Variants in FAM227B observed in about 807,000 individuals in gnomAD.
FAM227B encodes protein FAM227B.
Under a neutral mutation model 73.8 loss-of-function variants are expected in FAM227B, and 88 were observed. The observed-to-expected ratio is 1.19, with a 90% CI of 1.00 to 1.42. FAM227B has a LOEUF of 1.42. Ranked by LOEUF, FAM227B falls within the 40% of genes most tolerant of loss-of-function variation. The pLI, the probability that FAM227B is intolerant of heterozygous loss-of-function variation, is 0.00. For missense variants in FAM227B, 632 were observed against 590.9 expected (o/e 1.07, Z -0.72); for synonymous variants, 210 against 190.5 (o/e 1.10, Z -0.84).
intron 11 of FAM227B, among the ~76,000 whole-genome samples, chr15:49,448,652 T>C (rs2052440975): frequency 6.6e-6 from 1 of 151,574 alleles, no homozygotes; most frequent in Non-Finnish European, 1.5e-5. Flanking sequence ...ATACTATTTT[T>C]TGATGAACAT....
rs1386307330 is a variant in FAM227B at position 49,581,330 on chromosome 15, C to T, written c.406-3666G>A. On this transcript the variant is annotated intron_variant, in intron 5 of 15. Transcript: ENST00000299338. ...AGATTGGGGGCCTATATTCAGTATT[C>T]TTTTTTTTTTTTTTGAGACAGAGTT... Among the ~76,000 whole-genome samples, 3 of 144,152 alleles carry T rather than the reference C, an allele frequency of 2.1e-5. No individual in the cohort carries two copies. The East Asian group carries it at 6.0e-4, about 29-fold the overall frequency. 94.6% of individuals were successfully genotyped at this position (144,152 alleles called of 152,430 possible).
At position 49,371,383 on chromosome 15, in the gene FAM227B, A is replaced by G. The variant is rs748018624; in HGVS notation, c.1029T>C (p.Ile343=). ...EHISTSIDFN[I]IKILNNPRAY... Reference sequence around the variant, plus strand: ...CTCTTGGGTTGTTCAGAATCTTTATAATATTGAAGTCGATACCTAAAACAG... The same window carrying G: ...CTCTTGGGTTGTTCAGAATCTTTATGATATTGAAGTCGATACCTAAAACAG... Residue 343 remains isoleucine (I), a synonymous_variant, in exon 12 of 16, where the codon ATT becomes ATC. Coordinates refer to ENST00000299338, the MANE Select transcript of FAM227B (RefSeq NM_152647.3). 5.8e-6 allele frequency: 9 copies of G among 1,564,566 alleles called. No individual in the cohort carries two copies. The Admixed American group carries it at 1.4e-4, about 25-fold the overall frequency.
At chr15:49,592,888 C>T (rs2076665319) in intron 3 of FAM227B, among the ~76,000 whole-genome samples, 1 of 152,166 alleles carries the variant, frequency 6.6e-6, no homozygotes, top group Non-Finnish European at 1.5e-5. Context: ...ACTCAAGCCT[C>T]AGCAATGGTG....
chr15:49,403,097 G>A (rs1451943568), intron 11 of FAM227B, among the ~76,000 whole-genome samples: 1 of 152,152 alleles, frequency 6.6e-6, no homozygotes, highest in East Asian at 1.9e-4. Context: ...ATTTGTGTAT[G>A]TTGAACCAAC....
At chr15:49,367,756 G>A in intron 12 of FAM227B, 148 bp from the exon 13 acceptor site, 1 of 687,472 alleles carries the variant, frequency 1.5e-6, no homozygotes. Flanking sequence ...TTAATTAGAG[G>A]AATTTACCAA....
chr15:49,494,256 A>AACACACACACACACACACAC (rs374477211), intron 11 of FAM227B, among the ~76,000 whole-genome samples: 50 of 140,714 alleles, frequency 3.6e-4, no homozygotes, highest in African/African-American at 1.3e-3. Context: ...GAGACACACA[A>AACACACACACACACACACAC]ACACACACAC....
chr15:49,617,775 T>TG (rs2078384388), intron 1 of FAM227B, among the ~76,000 whole-genome samples: 6 of 134,632 alleles, frequency 4.5e-5, no homozygotes, highest in Non-Finnish European at 6.5e-5. Context: ...CCTTTCATGT[T>TG]TTGTGTGTGT....
chr15:49,548,551 G>C (rs2072304121), intron 9 of FAM227B, among the ~76,000 whole-genome samples: 1 of 152,160 alleles, frequency 6.6e-6, no homozygotes, highest in African/African-American at 2.4e-5. Context: ...ATGAGTTTGG[G>C]AGTATTCCCT....
chr15:49,595,138 T>C (rs1015236712), intron 3 of FAM227B, among the ~76,000 whole-genome samples: 9 of 151,996 alleles, frequency 5.9e-5, no homozygotes, highest in Non-Finnish European at 1.0e-4. Context: ...AGGTCTTTCA[T>C]CTCCTTGGTT....
intron 11 of FAM227B, chr15:49,486,296 G>T (rs2056396960): frequency 2.0e-5 from 3 of 152,038 alleles, no homozygotes; most frequent in African/African-American, 7.2e-5. Flanking sequence ...AAACTAGAAA[G>T]AACTGCCCTT....
In FAM227B at chr15:49,328,409, CT is replaced by C. The variant is rs1167840970; in HGVS notation, c.*158del. The C allele has an allele frequency of 3.4e-5, 48 of 1,431,090 alleles. No individual in the cohort carries two copies. The highest frequency in any genetic ancestry group is 3.7e-5 in the Non-Finnish European group (41 of 1,095,216). 88.6% of individuals were successfully genotyped at this position (1,431,090 alleles called of 1,614,324 possible). On this transcript the variant is annotated 3_prime_UTR_variant, in exon 16 of 16. Coordinates refer to ENST00000299338, the MANE Select transcript of FAM227B (RefSeq NM_152647.3). ...GGACAGATCTTTTAAGAATAACTTACTGAGATTTATTGATTTGAAGATTTTA... is the reference window on the plus strand; with the variant it reads ...GGACAGATCTTTTAAGAATAACTTACGAGATTTATTGATTTGAAGATTTTA...
intron 11 of FAM227B, among the ~76,000 whole-genome samples, chr15:49,446,760 C>G (rs2052257263): frequency 6.6e-6 from 1 of 151,232 alleles, no homozygotes; most frequent in Non-Finnish European, 1.5e-5. Context: ...ATTTTAACTT[C>G]ATATTATAAA....
chr15:49,502,979 C>T (rs1041371192), intron 11 of FAM227B, among the ~76,000 whole-genome samples: 1 of 152,178 alleles, frequency 6.6e-6, no homozygotes, highest in African/African-American at 2.4e-5. Context: ...CAATCCTAAG[C>T]CAAAAGAACA....
chr15:49,328,013 A>T lies in FAM227B; in HGVS notation c.*555T>A. On this transcript the variant is annotated 3_prime_UTR_variant, in exon 16 of 16. Coordinates refer to ENST00000299338, the MANE Select transcript of FAM227B (RefSeq NM_152647.3). ...AGGATGGGGAGGCTGCACAGTATCA[A>T]TGGTACCTGCGGACAAGCTGCCCAG... 1 of 1,614,004 alleles carries T rather than the reference A, an allele frequency of 6.2e-7. No individual in the cohort carries two copies. Among genetic ancestry groups the T allele is most frequent in the Non-Finnish European group, 8.5e-7 (1 of 1,179,876 alleles).
intron 11 of FAM227B, among the ~76,000 whole-genome samples, chr15:49,445,802 A>G (rs1441989619): frequency 6.6e-6 from 1 of 151,578 alleles, no homozygotes; most frequent in African/African-American, 2.4e-5. Flanking sequence ...AAAAGAGTGT[A>G]TTTGAAACTC....
intron 13 of FAM227B, among the ~76,000 whole-genome samples, chr15:49,353,145 G>A (rs2051092339): frequency 6.6e-6 from 1 of 152,116 alleles, no homozygotes; most frequent in African/African-American, 2.4e-5. Flanking sequence ...CTGATAGTGT[G>A]GAAAGTCAAA....
At chr15:49,331,339 C>T (rs2038706561) in intron 15 of FAM227B, 1 of 154,064 alleles carries the variant, frequency 6.5e-6, no homozygotes, top group East Asian at 1.9e-4. Context: ...ATGGAACAGG[C>T]TCCTTTCTTT....
intron 8 of FAM227B, among the ~76,000 whole-genome samples, chr15:49,569,035 T>G (rs927983615): frequency 3.3e-5 from 5 of 151,984 alleles, no homozygotes; most frequent in African/African-American, 1.2e-4. Context: ...GGGAGGTTTT[T>G]GATTACTGAT....
intron 11 of FAM227B, among the ~76,000 whole-genome samples, chr15:49,478,799 A>G (rs2055610235): frequency 6.6e-6 from 1 of 152,184 alleles, no homozygotes; most frequent in African/African-American, 2.4e-5. Flanking sequence ...ATTGGTGGGC[A>G]TGGATTCTGT....
Sources: gnomAD v4.1 joint callset for allele counts (sites outside exome capture counted in the v4.1 genomes callset) on GRCh38, gnomAD v4.1.1 for gene constraint, MANE v1.5 for transcripts, NCBI Gene and HGNC (gene_info 2026-07-23, HGNC 2026-07-21) for gene names.